Variants in MALRD1 observed in about 807,000 individuals in gnomAD.
MALRD1 encodes MAM and LDL receptor class A domain containing 1, also known as MAM and LDL-receptor class A domain-containing protein 1.
Under a neutral mutation model 242.1 loss-of-function variants are expected in MALRD1, and 247 were observed. The observed-to-expected ratio is 1.02, with a 90% CI of 0.92 to 1.13. The LOEUF (loss-of-function observed/expected upper bound fraction) is 1.13. Ranked by LOEUF, MALRD1 falls within the 50% of genes most tolerant of loss-of-function variation. The pLI is 0.00. For synonymous variants in MALRD1, 995 were observed against 866.6 expected (o/e 1.15, Z -2.60); for missense variants, 2,989 against 2,533.1 (o/e 1.18, Z -3.86).
At chr10:19,316,165 A>T (rs539852985) in intron 21 of MALRD1, among the ~76,000 whole-genome samples, 2 of 150,566 alleles carry the variant, frequency 1.3e-5, no homozygotes, top group South Asian at 2.1e-4. Context: ...ACTAAGGACA[A>T]TTGCTCTGCA....
At chr10:19,695,992 A>G (rs76496935) in intron 38 of MALRD1, among the ~76,000 whole-genome samples, 4 of 152,294 alleles carry the variant, frequency 2.6e-5, no homozygotes, top group South Asian at 4.1e-4. Context: ...ATGACACATG[A>G]GAATTATTAC....
chr10:19,725,761 A>T (rs764791487), intron 38 of MALRD1, among the ~76,000 whole-genome samples: 1 of 152,348 alleles, frequency 6.6e-6, no homozygotes, highest in African/African-American at 2.4e-5. Context: ...AATTGAATTG[A>T]ACTGAATTGA....
chr10:19,451,785 C>T (rs768558807), intron 29 of MALRD1, among the ~76,000 whole-genome samples: 1 of 152,104 alleles, frequency 6.6e-6, no homozygotes, highest in Non-Finnish European at 1.5e-5. Flanking sequence ...CTTTAAACTT[C>T]GAATTCCCTC....
chr10:19,178,550 G>A (rs1393987379), intron 14 of MALRD1, among the ~76,000 whole-genome samples: 1 of 152,208 alleles, frequency 6.6e-6, no homozygotes, highest in Non-Finnish European at 1.5e-5. Context: ...AGCAATCTTA[G>A]AGCTGTAGTT....
chr10:19,187,051 C>T (rs1238951362), intron 14 of MALRD1, among the ~76,000 whole-genome samples: 1 of 152,032 alleles, frequency 6.6e-6, no homozygotes, highest in East Asian at 1.9e-4. Flanking sequence ...TTTAGAGACA[C>T]CTAAAAGACC....
At chr10:19,445,505 C>G (rs981041358) in intron 28 of MALRD1, among the ~76,000 whole-genome samples, 2 of 152,168 alleles carry the variant, frequency 1.3e-5, no homozygotes, top group Non-Finnish European at 2.9e-5. Context: ...TGTGGATGTC[C>G]TTTCTGTTTG....
chr10:19,060,496 T>C (rs1834792046), intron 1 of MALRD1, among the ~76,000 whole-genome samples: 1 of 152,214 alleles, frequency 6.6e-6, no homozygotes, highest in Admixed American at 6.5e-5. Flanking sequence ...CTATCTTTCC[T>C]GCCCTCTTCT....
At chr10:19,100,560 G>T (rs776449147) in intron 4 of MALRD1, among the ~76,000 whole-genome samples, 1 of 150,136 alleles carries the variant, frequency 6.7e-6, no homozygotes, top group Admixed American at 6.6e-5. Context: ...GGTCATTTTG[G>T]AGTTTTGAGC....
intron 28 of MALRD1, among the ~76,000 whole-genome samples, chr10:19,441,183 A>G (rs1457788097): frequency 6.6e-6 from 1 of 151,874 alleles, no homozygotes; most frequent in African/African-American, 2.4e-5. Context: ...CCACTTTTTG[A>G]TGGGGTTGTT....
At chr10:19,332,565 A>G (rs1368773184) in intron 24 of MALRD1, among the ~76,000 whole-genome samples, 3 of 152,210 alleles carry the variant, frequency 2.0e-5, no homozygotes, top group African/African-American at 7.2e-5. Flanking sequence ...ATGAAGGTTG[A>G]CAAATTATGT....
At chr10:19,252,108 C>G (rs1055147962) in intron 18 of MALRD1, among the ~76,000 whole-genome samples, 3 of 151,960 alleles carry the variant, frequency 2.0e-5, no homozygotes, top group Non-Finnish European at 4.4e-5. Context: ...AATGTGAAAA[C>G]GAACTAATAA....
At chr10:19,276,677 G>A (rs1288987488) in intron 19 of MALRD1, among the ~76,000 whole-genome samples, 1 of 151,594 alleles carries the variant, frequency 6.6e-6, no homozygotes, top group East Asian at 1.9e-4. Flanking sequence ...TTTTTTTCAC[G>A]TTTTATTATA....
At chr10:19,511,614 T>A (rs1019551135) in intron 31 of MALRD1, among the ~76,000 whole-genome samples, 1 of 152,202 alleles carries the variant, frequency 6.6e-6, no homozygotes, top group Admixed American at 6.5e-5. Context: ...AATATGTGAA[T>A]CTAAAAGTCT....
At chr10:19,442,073 G>A (rs1589079769) in intron 28 of MALRD1, among the ~76,000 whole-genome samples, 1 of 152,042 alleles carries the variant, frequency 6.6e-6, no homozygotes, top group Non-Finnish European at 1.5e-5. Context: ...GGATTCCTAG[G>A]TATTTTATTC....
chr10:19,404,240 G>C (rs879577747), intron 28 of MALRD1, among the ~76,000 whole-genome samples: 2 of 152,000 alleles, frequency 1.3e-5, no homozygotes, highest in Non-Finnish European at 2.9e-5. Flanking sequence ...AGTGATTTCA[G>C]AATGCACTTA....
At chr10:19,107,110 G>A (rs993570726) in intron 5 of MALRD1, among the ~76,000 whole-genome samples, 7 of 151,948 alleles carry the variant, frequency 4.6e-5, no homozygotes, top group East Asian at 3.9e-4. Flanking sequence ...TGTAATTATC[G>A]AGCAGAATGT....
chr10:19,177,122 C>CA (rs1248561710), intron 14 of MALRD1, among the ~76,000 whole-genome samples: 3 of 151,354 alleles, frequency 2.0e-5, no homozygotes, highest in East Asian at 3.9e-4. Flanking sequence ...ACTAAAAATA[C>CA]AAAAAAATTA....
chr10:19,169,685 G>A (rs1000630865), intron 13 of MALRD1, among the ~76,000 whole-genome samples: 2 of 152,224 alleles, frequency 1.3e-5, no homozygotes, highest in South Asian at 2.1e-4. Context: ...TTCTAGCTAG[G>A]TACAGTTCTA....
chr10:19,157,174 TACAC>T (rs1219129344), intron 12 of MALRD1, among the ~76,000 whole-genome samples: 1 of 152,144 alleles, frequency 6.6e-6, no homozygotes, highest in Non-Finnish European at 1.5e-5. Flanking sequence ...TAGTCTGAGA[TACAC>T]ATAGCTAAGG....
Sources: gnomAD v4.1 joint callset for allele counts (sites outside exome capture counted in the v4.1 genomes callset) on GRCh38, gnomAD v4.1.1 for gene constraint, MANE v1.5 for transcripts, NCBI Gene and HGNC (gene_info 2026-07-23, HGNC 2026-07-21) for gene names.